Variants in ELAPOR2 observed in about 807,000 individuals in gnomAD.
The protein encoded by ELAPOR2 is endosome/lysosome-associated apoptosis and autophagy regulator family member 2.
In ELAPOR2, 89 loss-of-function variants were observed where a neutral mutation model predicts 120.7. The ratio of observed to expected loss-of-function variants is 0.74; its 90% CI spans 0.62 to 0.88. The LOEUF is 0.88. ELAPOR2 is among the 40% of genes least tolerant of loss of function. The probability of loss-of-function intolerance (pLI) is 0.00; values close to 1 mark genes in which losing one functional copy is unlikely to be tolerated. For missense variants in ELAPOR2, 1,134 were observed against 1,251.6 expected (o/e 0.91, Z 1.42); for synonymous variants, 444 against 444.9 (o/e 1.00, Z 0.03).
At chr7:86,915,649 T>G (rs1415042162) in intron 12 of ELAPOR2, among the ~76,000 whole-genome samples, 1 of 150,394 alleles carries the variant, frequency 6.6e-6, no homozygotes, top group East Asian at 1.9e-4. Flanking sequence ...GAAATCCTGA[T>G]AGATCACTTA....
At position 86,879,913 on chromosome 7, in the gene ELAPOR2, A is replaced by T. The variant is rs1022847807; in HGVS notation, c.*558T>A. 3.3e-5 allele frequency: 5 copies of T among 152,286 alleles called. No individual in the cohort carries two copies. The highest frequency in any genetic ancestry group is 7.3e-5 in the Non-Finnish European group (5 of 68,072). 9.4% of individuals were successfully genotyped at this position (152,286 alleles called of 1,614,324 possible). On this transcript the variant is annotated 3_prime_UTR_variant, in exon 22 of 22. Transcript: ENST00000450689. ...TCTTCCTGAAATTTAAATCAAGAGA[A>T]GATAACCTATGGAAAAATGAAAAAT...
intron 1 of ELAPOR2, among the ~76,000 whole-genome samples, chr7:86,992,923 T>C (rs1005991613): frequency 6.6e-6 from 1 of 152,064 alleles, no homozygotes; most frequent in South Asian, 2.1e-4. Context: ...CTATAAAAAC[T>C]ACAGAGATTC....
intron 1 of ELAPOR2, among the ~76,000 whole-genome samples, chr7:87,045,614 G>C (rs1320635977): frequency 2.7e-5 from 4 of 150,768 alleles, no homozygotes; most frequent in Non-Finnish European, 5.9e-5. Context: ...GTTGTGGGGT[G>C]GGGGGAGGAG....
intron 1 of ELAPOR2, among the ~76,000 whole-genome samples, chr7:86,998,203 A>C (rs1381681020): frequency 6.6e-6 from 1 of 152,182 alleles, no homozygotes; most frequent in Non-Finnish European, 1.5e-5. Context: ...ATTCATCAAG[A>C]AGGTATTCTA....
intron 1 of ELAPOR2, among the ~76,000 whole-genome samples, chr7:87,023,816 G>T (rs532071561): frequency 3.3e-5 from 5 of 152,090 alleles, no homozygotes; most frequent in East Asian, 3.9e-4. Context: ...TATTTTATTT[G>T]CTTTGAAGCA....
intron 1 of ELAPOR2, among the ~76,000 whole-genome samples, chr7:87,049,365 T>C (rs900413005): frequency 6.6e-6 from 1 of 152,052 alleles, no homozygotes; most frequent in Non-Finnish European, 1.5e-5. Flanking sequence ...CACTGCAAGC[T>C]CCGCCTCCCG....
chr7:86,944,427 GA>G (rs1022913528), intron 4 of ELAPOR2, among the ~76,000 whole-genome samples: 1 of 151,376 alleles, frequency 6.6e-6, no homozygotes, highest in Non-Finnish European at 1.5e-5. Context: ...TTCTACTTCT[GA>G]AAAAAAATTG....
chr7:86,932,717 T>C (rs1274070369), intron 8 of ELAPOR2, among the ~76,000 whole-genome samples: 1 of 151,994 alleles, frequency 6.6e-6, no homozygotes, highest in Non-Finnish European at 1.5e-5. Context: ...TGTATTCTTG[T>C]GGGGGAAGGA....
chr7:86,965,859 A>G (rs1791883905), intron 1 of ELAPOR2: 1 of 985,206 alleles, frequency 1.0e-6, no homozygotes, highest in Non-Finnish European at 1.2e-6. Flanking sequence ...CTGCATCCAC[A>G]CTGTTTTGCC....
intron 18 of ELAPOR2, among the ~76,000 whole-genome samples, chr7:86,907,138 T>C (rs1789059382): frequency 6.6e-6 from 1 of 152,138 alleles, no homozygotes; most frequent in African/African-American, 2.4e-5. Context: ...GCACATTATG[T>C]ATTTTATAAG....
chr7:86,898,406 ATCT>A (rs1039199655), intron 18 of ELAPOR2, among the ~76,000 whole-genome samples: 1 of 152,074 alleles, frequency 6.6e-6, no homozygotes, highest in African/African-American at 2.4e-5. Context: ...GGTGTTGAAA[ATCT>A]TCTAAAACTG....
chr7:86,930,879 A>T (rs1391591529), intron 8 of ELAPOR2, among the ~76,000 whole-genome samples: 1 of 151,932 alleles, frequency 6.6e-6, no homozygotes, highest in South Asian at 2.1e-4. Flanking sequence ...GAAATACCCT[A>T]TTAAGGAAAT....
chr7:86,993,245 A>AAAAAAAAAG (rs1554402324), intron 1 of ELAPOR2, among the ~76,000 whole-genome samples: 4 of 150,244 alleles, frequency 2.7e-5, no homozygotes, highest in South Asian at 2.1e-4. Flanking sequence ...AAAAAAAAAA[A>AAAAAAAAAG]AAAAAGAAAA....
At chr7:86,997,797 G>A (rs1018449557) in intron 1 of ELAPOR2, among the ~76,000 whole-genome samples, 1 of 152,182 alleles carries the variant, frequency 6.6e-6, no homozygotes, top group African/African-American at 2.4e-5. Context: ...AAGTATCTCA[G>A]TCAAGTGTTC....
At chr7:86,893,248 T>C (rs1788268124) in intron 19 of ELAPOR2, 148 bp from the exon 20 acceptor site, 1 of 557,044 alleles carries the variant, frequency 1.8e-6, no homozygotes, top group South Asian at 2.9e-5. Flanking sequence ...CATAGAGGAT[T>C]ATTCAGCATT....
intron 8 of ELAPOR2, among the ~76,000 whole-genome samples, chr7:86,929,301 G>A (rs1355724334): frequency 6.6e-6 from 1 of 151,894 alleles, no homozygotes; most frequent in Non-Finnish European, 1.5e-5. Context: ...AATGCACTAA[G>A]TCTTTATAAA....
chr7:86,955,588 A>G (rs1263584971), intron 2 of ELAPOR2, among the ~76,000 whole-genome samples: 1 of 152,114 alleles, frequency 6.6e-6, no homozygotes, highest in Non-Finnish European at 1.5e-5. Flanking sequence ...CATTAAGAAG[A>G]TATATTAGTA....
At chr7:86,909,046 T>TC (rs916286849) in intron 16 of ELAPOR2, among the ~76,000 whole-genome samples, 15 of 152,090 alleles carry the variant, frequency 9.9e-5, no homozygotes, top group Admixed American at 9.8e-4. Context: ...AGGCTTTTTT[T>TC]CCCTGCCTCT....
rs1482772990 is a variant in ELAPOR2 at position 87,033,811 on chromosome 7, G to T, written c.189+25514C>A. ...CAATAGTGTAGAAAATAGCTCAAAA[G>T]AAATTGAATAAATGTGCATATATAT... On this transcript the variant is annotated intron_variant, in intron 1 of 21. Coordinates refer to ENST00000450689, the MANE Select transcript of ELAPOR2 (RefSeq NM_001142749.3). 3.3e-5 allele frequency among the ~76,000 whole-genome samples: 5 copies of T among 151,782 alleles called. No individual in the cohort carries two copies. In the East Asian group the frequency reaches 9.7e-4, roughly 29 times the overall value.
Sources: allele counts gnomAD v4.1 joint callset (sites outside exome capture counted in the v4.1 genomes callset), GRCh38; gene constraint gnomAD v4.1.1; transcripts MANE v1.5; gene names NCBI Gene and HGNC (gene_info 2026-07-23, HGNC 2026-07-21).